TSPAN15: variants seen among roughly 807,000 people sequenced by gnomAD.
TSPAN15 encodes tetraspanin 15, also known as tetraspanin-15.
In TSPAN15, 20 loss-of-function variants were observed where a neutral mutation model predicts 34.5. That is an observed-to-expected ratio of 0.58 (90% CI 0.41 to 0.84). The LOEUF is 0.84. Ranked by LOEUF, TSPAN15 falls within the 40% of genes least tolerant of loss-of-function variation. TSPAN15 has a pLI of 0.00. For missense variants in TSPAN15, 313 were observed against 386.1 expected (o/e 0.81, Z 1.59); for synonymous variants, 155 against 153.9 (o/e 1.01, Z -0.05).
chr10:69,539,165 T>G, the TSPAN15 span, among the ~76,000 whole-genome samples: 1 of 151,964 alleles, frequency 6.6e-6, no homozygotes, highest in Non-Finnish European at 1.5e-5. Flanking sequence ...AACCAAATAT[T>G]GTATGTTCTC....
chr10:69,457,435 C>T (rs1173237352), intron 1 of TSPAN15, among the ~76,000 whole-genome samples: 1 of 152,158 alleles, frequency 6.6e-6, no homozygotes, highest in Non-Finnish European at 1.5e-5. Flanking sequence ...CACAGAGCAC[C>T]AAGCCTGTTT....
chr10:69,454,539 A>C (rs982162759), intron 1 of TSPAN15, among the ~76,000 whole-genome samples: 1 of 151,868 alleles, frequency 6.6e-6, no homozygotes, highest in African/African-American at 2.4e-5. Context: ...ACTATTGACC[A>C]GGCATTGTGG....
chr10:69,462,577 C>T (rs1205218335), intron 1 of TSPAN15, among the ~76,000 whole-genome samples: 7 of 152,072 alleles, frequency 4.6e-5, no homozygotes, highest in African/African-American at 1.4e-4. Flanking sequence ...CCTCGTGATC[C>T]GCCCGCCTCG....
chr10:69,477,454 T>C (rs542924359), intron 1 of TSPAN15, among the ~76,000 whole-genome samples: 2 of 152,090 alleles, frequency 1.3e-5, no homozygotes, highest in Non-Finnish European at 2.9e-5. Context: ...GAAAGGAACC[T>C]TGTAGGAGTG....
At chr10:69,482,104 T>C (rs1841746787) in intron 1 of TSPAN15, among the ~76,000 whole-genome samples, 2 of 148,886 alleles carry the variant, frequency 1.3e-5, no homozygotes, top group African/African-American at 4.9e-5. Context: ...TAGTGTAGTA[T>C]GTTAAATACT....
At chr10:69,473,545 T>C (rs1473112744) in intron 1 of TSPAN15, among the ~76,000 whole-genome samples, 1 of 152,120 alleles carries the variant, frequency 6.6e-6, no homozygotes, top group Admixed American at 6.5e-5. Context: ...CCGCCCACAG[T>C]CTGCTGATGT....
intron 2 of TSPAN15, among the ~76,000 whole-genome samples, chr10:69,484,311 G>T (rs999123739): frequency 6.6e-6 from 1 of 152,188 alleles, no homozygotes; most frequent in Non-Finnish European, 1.5e-5. Context: ...GGTCACTGCC[G>T]GCGTCAGGCC....
the TSPAN15 span, among the ~76,000 whole-genome samples, chr10:69,545,445 G>A: frequency 3.0e-4 from 46 of 152,292 alleles, no homozygotes; most frequent in African/African-American, 7.5e-4. Flanking sequence ...CGGGCTCACC[G>A]GTCAAGTCAG....
At chr10:69,508,103 G>A (rs1842374790), downstream of TSPAN15, among the ~76,000 whole-genome samples, 1 of 152,116 alleles carries the variant, frequency 6.6e-6, no homozygotes, top group Non-Finnish European at 1.5e-5. Context: ...AGAAGACATG[G>A]GATCTAGATT....
At chr10:69,465,603 G>A (rs566920975) in intron 1 of TSPAN15, among the ~76,000 whole-genome samples, 37 of 152,306 alleles carry the variant, frequency 2.4e-4, no homozygotes, top group Admixed American at 1.6e-3. Context: ...AGCAACCTAA[G>A]AGACAGCGCT....
chr10:69,527,675 T>C, the TSPAN15 span, among the ~76,000 whole-genome samples: 2 of 147,892 alleles, frequency 1.4e-5, no homozygotes, highest in Admixed American at 7.0e-5. Context: ...TGCAACCTTT[T>C]AGCCATGGGT....
chr10:69,460,020 A>G (rs963043006), intron 1 of TSPAN15, among the ~76,000 whole-genome samples: 25 of 14,274 alleles, frequency 1.8e-3, no homozygotes, highest in Non-Finnish European at 1.3e-4. Context: ...AGTTGGGGAG[A>G]TGAGATGAGA....
chr10:69,469,710 T>G (rs1841465489), intron 1 of TSPAN15, among the ~76,000 whole-genome samples: 1 of 152,210 alleles, frequency 6.6e-6, no homozygotes, highest in Non-Finnish European at 1.5e-5. Flanking sequence ...GTCCAGCTAA[T>G]TTTTGCATTT....
downstream of TSPAN15, among the ~76,000 whole-genome samples, chr10:69,508,440 C>CAAAAAAAAA (rs71009229): frequency 3.4e-4 from 21 of 62,174 alleles, no homozygotes; most frequent in African/African-American, 1.3e-3. Flanking sequence ...GACTCCATCT[C>CAAAAAAAAA]AAAAAAAAAA....
chr10:69,541,211 G>T, the TSPAN15 span, among the ~76,000 whole-genome samples: 1 of 152,178 alleles, frequency 6.6e-6, no homozygotes, highest in Non-Finnish European at 1.5e-5. Flanking sequence ...GAATATACAG[G>T]AAGTGTTTGG....
At chr10:69,533,142 G>A in the TSPAN15 span, among the ~76,000 whole-genome samples, 1 of 152,114 alleles carries the variant, frequency 6.6e-6, no homozygotes, top group Non-Finnish European at 1.5e-5. Flanking sequence ...ACTAAAAGTA[G>A]CACTACCATT....
the TSPAN15 span, among the ~76,000 whole-genome samples, chr10:69,543,844 A>AGTATGTGTGT: frequency 2.2e-4 from 16 of 73,808 alleles, 1 homozygote; most frequent in African/African-American, 8.0e-4. Flanking sequence ...GAAGAAGGGG[A>AGTATGTGTGT]GTGTGTGTGT....
At chr10:69,504,569 G>C (rs1652804) in intron 6 of TSPAN15, 84 bp downstream of exon 6, 14,378 of 1,417,662 alleles carry the variant, frequency 0.01, 116 homozygotes, top group Middle Eastern at 0.016. Flanking sequence ...ATTGAGGTCG[G>C]GGTCCTGGCC....
chr10:69,519,606 A>G, the TSPAN15 span, among the ~76,000 whole-genome samples: 6 of 152,246 alleles, frequency 3.9e-5, no homozygotes, highest in Non-Finnish European at 7.3e-5. Context: ...AAAATGTTCA[A>G]ATGTAAATAT....
Sources: gnomAD v4.1 joint callset for allele counts (sites outside exome capture counted in the v4.1 genomes callset) on GRCh38, gnomAD v4.1.1 for gene constraint, MANE v1.5 for transcripts, NCBI Gene and HGNC (gene_info 2026-07-23, HGNC 2026-07-21) for gene names.